The following ACSL3 variants were observed in gnomAD, a reference collection of about 807,000 sequenced individuals.
ACSL3 encodes the protein acyl-CoA synthetase long chain family member 3.
ACSL3 carries 34 observed loss-of-function variants against 84.7 expected under a neutral mutation model. The ratio of observed to expected loss-of-function variants is 0.40; its 90% CI spans 0.31 to 0.53. The LOEUF is 0.53. Ranked by LOEUF, ACSL3 falls within the 20% of genes least tolerant of loss-of-function variation. The pLI, the probability that ACSL3 is intolerant of heterozygous loss-of-function variation, is 0.48. For synonymous variants in ACSL3, 315 were observed against 299.4 expected, an observed-to-expected ratio of 1.05 and a Z score of -0.54; for missense variants, 680 against 873.1, an observed-to-expected ratio of 0.78 and a Z score of 2.79.
At chr2:222,892,063 T>C (rs1695855922) in intron 2 of ACSL3, among the ~76,000 whole-genome samples, 1 of 152,216 alleles carries the variant, frequency 6.6e-6, no homozygotes, top group Non-Finnish European at 1.5e-5. Flanking sequence ...CCTGTAGTCA[T>C]TGCGATGTCA....
chr2:222,941,709 A>G lies in ACSL3; in HGVS notation c.*55A>G. 1 of 1,526,008 alleles carries G rather than the reference A, an allele frequency of 6.6e-7. No individual in the cohort carries two copies. Among genetic ancestry groups the G allele is most frequent in the East Asian group, 2.3e-5 (1 of 42,730 alleles). The allele number at this position is 1,526,008 out of a possible 1,614,324, so 94.5% of individuals were successfully genotyped here. ...GTGAGCTCAGATCAAATAGGAAAAT[A>G]CTTGAAATGCATGTCTCAAGCTGCA... On this transcript the variant is annotated 3_prime_UTR_variant, in exon 17 of 17. Coordinates refer to ENST00000357430, the MANE Select transcript of ACSL3 (RefSeq NM_004457.5).
chr2:222,918,730 G>C (rs1438914571), intron 6 of ACSL3, among the ~76,000 whole-genome samples: 1 of 150,078 alleles, frequency 6.7e-6, no homozygotes, highest in Admixed American at 6.6e-5. Flanking sequence ...ATATTTTTAT[G>C]TAGTCTCTTG....
At position 222,929,836 on chromosome 2, in the gene ACSL3, C is replaced by T. The variant is rs191742252; in HGVS notation, c.1541-785C>T. Among the ~76,000 whole-genome samples the T allele has an allele frequency of 4.2e-3, 630 of 151,114 alleles. 6 individuals carry two copies. Among genetic ancestry groups the T allele is most frequent in the African/African-American group, 0.012 (495 of 41,134 alleles). On this transcript the variant is annotated intron_variant, in intron 13 of 16. Coordinates refer to ENST00000357430, the MANE Select transcript of ACSL3 (RefSeq NM_004457.5). ...TTGGATGTCTTTTAGCTATCTTTAG[C>T]AGAATTAGTGGGAATATTTAATAAA... is the stretch of plus-strand genomic sequence containing the variant.
chr2:222,916,801 T>TA (rs1333428459), intron 5 of ACSL3: 1 of 202,434 alleles, frequency 4.9e-6, no homozygotes, highest in Non-Finnish European at 9.8e-6. Context: ...CTTTAGAAGT[T>TA]ACTGTCAATT....
At chr2:222,935,172 A>G (rs1331936974) in intron 16 of ACSL3, among the ~76,000 whole-genome samples, 1 of 152,136 alleles carries the variant, frequency 6.6e-6, no homozygotes, top group African/African-American at 2.4e-5. Context: ...CAAGCATAAA[A>G]CAAGCGTGAA....
chr2:222,930,643 G>A lies in ACSL3; in HGVS notation c.1563G>A (p.Lys521=), dbSNP rs747177195. The A allele has an allele frequency of 2.5e-6, 4 of 1,613,380 alleles. No homozygotes were observed. The highest frequency in any genetic ancestry group is 3.4e-6 in the Non-Finnish European group (4 of 1,179,594). Residue 521 remains lysine (K), a synonymous_variant, in exon 14 of 17, where the codon AAG becomes AAA. Transcript: ENST00000357430. The stretch of plus-strand genomic sequence containing the variant: ...TAGGTGGATACTTTAATACTGATAA[G>A]CCACACCCCAGGGGTGAAATTCTTA... ...WEEGGYFNTD[K]PHPRGEILIG...
At chr2:222,880,672 A>C (rs545373695) in intron 1 of ACSL3, among the ~76,000 whole-genome samples, 167 of 150,352 alleles carry the variant, frequency 1.1e-3, no homozygotes, top group African/African-American at 3.6e-3. Context: ...ACTAAAAATA[A>C]AAAAAAAATT....
intron 16 of ACSL3, among the ~76,000 whole-genome samples, chr2:222,940,932 G>A (rs945691682): frequency 3.3e-5 from 5 of 151,186 alleles, no homozygotes; most frequent in African/African-American, 9.7e-5. Flanking sequence ...ATGGGGTTTC[G>A]CTCTGTTGCC....
intron 1 of ACSL3, among the ~76,000 whole-genome samples, chr2:222,882,464 G>T (rs555307599): frequency 2.0e-5 from 3 of 152,044 alleles, no homozygotes; most frequent in South Asian, 4.1e-4. Flanking sequence ...ATGGACAGGG[G>T]TCGAGGAGGC....
chr2:222,911,126 C>T lies in ACSL3; in HGVS notation c.378+1976C>T, dbSNP rs563585058. ...GTGCAATGGTGCCGTCTCAGCTCAC[C>T]GCAACGTCCGCCTTCTGGGTTCAAG... On this transcript the variant is annotated intron_variant, in intron 4 of 16. Transcript: ENST00000357430. 4.6e-5 allele frequency among the ~76,000 whole-genome samples: 7 copies of T among 151,870 alleles called. No individual in the cohort carries two copies. The South Asian group carries it at 6.2e-4, about 14-fold the overall frequency.
intron 1 of ACSL3, among the ~76,000 whole-genome samples, chr2:222,862,894 G>A (rs546250553): frequency 1.3e-5 from 2 of 152,306 alleles, no homozygotes; most frequent in East Asian, 3.9e-4. Context: ...AAGGAAGAAA[G>A]GAAGAATGGG....
chr2:222,887,901 AT>A lies in ACSL3; in HGVS notation c.-148+19del, dbSNP rs1392466760. 2 of 152,182 alleles carry A rather than the reference AT, an allele frequency of 1.3e-5. No individual in the cohort carries two copies. The highest frequency in any genetic ancestry group is 4.8e-5 in the African/African-American group (2 of 41,450). The allele number at this position is 152,182 out of a possible 1,614,324, so 9.4% of individuals were successfully genotyped here. On this transcript the variant is annotated intron_variant, in intron 2 of 16. Coordinates refer to ENST00000357430, the MANE Select transcript of ACSL3 (RefSeq NM_004457.5). ...CCATTGTCAACTGGTAAAATATTTA[AT>A]TTTTTATTACAATAGATTTCTTTTA...
chr2:222,877,366 A>G (rs893389235), intron 1 of ACSL3, among the ~76,000 whole-genome samples: 1 of 152,224 alleles, frequency 6.6e-6, no homozygotes, highest in African/African-American at 2.4e-5. Context: ...GGAGCAGATG[A>G]TAGCCCAGAT....
chr2:222,929,108 A>G (rs765323434), intron 13 of ACSL3, among the ~76,000 whole-genome samples, 172 bp downstream of exon 13: 4 of 152,190 alleles, frequency 2.6e-5, no homozygotes, highest in East Asian at 1.9e-4. Context: ...TCTTGTTTCA[A>G]AGATGTTTCT....
intron 7 of ACSL3, chr2:222,920,873 T>A: frequency 7.0e-6 from 3 of 430,662 alleles, no homozygotes; most frequent in South Asian, 5.4e-5. Context: ...CATTCCTACC[T>A]TTGGGTCTTT....
chr2:222,925,750 A>G (rs1462711361), intron 11 of ACSL3, among the ~76,000 whole-genome samples: 1 of 152,180 alleles, frequency 6.6e-6, no homozygotes, highest in East Asian at 1.9e-4. Context: ...ATTTTGAGAA[A>G]TAGTTTCTCT....
intron 4 of ACSL3, among the ~76,000 whole-genome samples, chr2:222,915,669 T>C (rs1005293996): frequency 2.0e-5 from 3 of 152,222 alleles, no homozygotes; most frequent in Admixed American, 2.0e-4. Context: ...AGATAAAATA[T>C]TGAAAACCTG....
chr2:222,861,601 G>GCCAC (rs1387214961), intron 1 of ACSL3: 6 of 152,398 alleles, frequency 3.9e-5, no homozygotes, highest in African/African-American at 1.4e-4. Context: ...GGGTGGGGAG[G>GCCAC]CCACCCCCTT....
chr2:222,941,800 A>T lies in ACSL3; in HGVS notation c.*146A>T. The T allele has an allele frequency of 4.6e-6, 4 of 876,390 alleles. No homozygotes were observed. In the African/African-American group the frequency reaches 5.2e-5, roughly 11 times the overall value. 54.3% of individuals were successfully genotyped at this position (876,390 alleles called of 1,614,324 possible). ...GACGTCACCATTTTTAACTGACAGG[A>T]TTAGTAAAACATTAAGACAGCAAAC... On this transcript the variant is annotated 3_prime_UTR_variant, in exon 17 of 17. Coordinates refer to ENST00000357430, the MANE Select transcript of ACSL3 (RefSeq NM_004457.5).
Sources: gnomAD v4.1 joint callset for allele counts (sites outside exome capture counted in the v4.1 genomes callset) on GRCh38, gnomAD v4.1.1 for gene constraint, MANE v1.5 for transcripts, NCBI Gene and HGNC (gene_info 2026-07-23, HGNC 2026-07-21) for gene names.